RARS1: variants seen among roughly 807,000 people sequenced by gnomAD.
The protein encoded by RARS1 is arginyl-tRNA synthetase 1.
A neutral mutation model predicts 78.7 loss-of-function variants in RARS1; 75 were observed. That is an observed-to-expected ratio of 0.95 (90% CI 0.79 to 1.15). RARS1 has a LOEUF of 1.15. Ranked by LOEUF, RARS1 falls within the 50% of genes most tolerant of loss-of-function variation. The probability of loss-of-function intolerance (pLI) is 0.00; values close to 1 mark genes in which losing one functional copy is unlikely to be tolerated. For synonymous variants in RARS1, 273 were observed against 268.2 expected (o/e 1.02, Z -0.18); for missense variants, 787 against 787.5 (o/e 1.00, Z 0.01).
intron 9 of RARS1, among the ~76,000 whole-genome samples, chr5:168,505,714 G>GAAAAAAAAA (rs60743864): frequency 4.4e-5 from 5 of 114,218 alleles, no homozygotes; most frequent in African/African-American, 9.8e-5. Context: ...TATCAAAAAA[G>GAAAAAAAAA]AAAAAAAAAA....
In RARS1 at chr5:168,506,176, A is replaced by C; in HGVS notation, c.1213A>C (p.Ile405Leu). The C allele has an allele frequency of 6.3e-7, 1 of 1,580,646 alleles. No individual in the cohort carries two copies. Among genetic ancestry groups the C allele is most frequent in the East Asian group, 2.3e-5 (1 of 44,018 alleles). The change falls in exon 10 of 15, where the codon ATC becomes CTC. Residue 405 changes from isoleucine to leucine, a missense_variant. Coordinates refer to ENST00000231572, the MANE Select transcript of RARS1 (RefSeq NM_002887.4). ...RLFEEKADMI[I>L]YVVDNGQSVH... Reference sequence around the variant, plus strand: ...ATTTGAGGAAAAAGCAGATATGATTATCTATGTTGTGGACAATGGACAAGT... The same window carrying C: ...ATTTGAGGAAAAAGCAGATATGATTCTCTATGTTGTGGACAATGGACAAGT...
rs777966160 is a variant in RARS1 at position 168,492,838 on chromosome 5, T to G, written c.360T>G (p.Gly120=). 6.2e-7 allele frequency: 1 copy of G among 1,602,024 alleles called. No homozygotes were observed. Among genetic ancestry groups the G allele is most frequent in the African/African-American group, 1.3e-5 (1 of 74,760 alleles). The change falls in exon 3 of 15, where the codon GGT becomes GGG. Residue 120 remains glycine, a synonymous_variant. Coordinates refer to ENST00000231572, the MANE Select transcript of RARS1 (RefSeq NM_002887.4). ...ACTATCAGTGTAATAGTGCTATGGG[T>G]ATTTCTCAGGTGATGTATTGTCATG... ...FGDYQCNSAM[G]ISQMLKTKEQ...
At chr5:168,516,620 A>G (rs1758671027) in intron 12 of RARS1, among the ~76,000 whole-genome samples, 158 bp from the exon 13 acceptor site, 1 of 152,192 alleles carries the variant, frequency 6.6e-6, no homozygotes, top group Non-Finnish European at 1.5e-5. Flanking sequence ...TTGTTTGTAC[A>G]TTGGCCCATG....
chr5:168,486,641 C>A, intron 1 of RARS1, 98 bp downstream of exon 1: 1 of 1,282,688 alleles, frequency 7.8e-7, no homozygotes, highest in Non-Finnish European at 1.1e-6. Context: ...TAGGCGAGGA[C>A]CATCCTGGTC....
At chr5:168,507,700 C>G (rs903371024) in intron 11 of RARS1, among the ~76,000 whole-genome samples, 1 of 152,156 alleles carries the variant, frequency 6.6e-6, no homozygotes, top group African/African-American at 2.4e-5. Context: ...ACAACATTTT[C>G]TAATTGCGTT....
intron 1 of RARS1, 57 bp from the exon 2 acceptor site, chr5:168,488,545 A>G: frequency 6.5e-7 from 1 of 1,540,038 alleles, no homozygotes; most frequent in Non-Finnish European, 8.8e-7. Flanking sequence ...GCCTTGGTAG[A>G]GAGGGGAAAT....
chr5:168,492,495 C>T (rs1758105583), intron 2 of RARS1, among the ~76,000 whole-genome samples, 164 bp from the exon 3 acceptor site: 1 of 152,194 alleles, frequency 6.6e-6, no homozygotes, highest in South Asian at 2.1e-4. Flanking sequence ...ACTTGTCCTG[C>T]TGCATGTCTT....
intron 12 of RARS1, 78 bp downstream of exon 12, chr5:168,510,764 G>C: frequency 1.0e-6 from 1 of 1,000,816 alleles, no homozygotes; most frequent in Non-Finnish European, 1.5e-6. Flanking sequence ...GAGAACTGAG[G>C]AGAAGTGTGA....
At chr5:168,493,435 T>C (rs1758123921) in intron 3 of RARS1, among the ~76,000 whole-genome samples, 1 of 152,018 alleles carries the variant, frequency 6.6e-6, no homozygotes, top group African/African-American at 2.4e-5. Flanking sequence ...GCTTGAAAAT[T>C]AGAAATGTAA....
At chr5:168,497,923 C>T (rs2445785) in intron 7 of RARS1, 94,850 of 151,354 alleles carry the variant, frequency 0.63, 30,409 homozygotes, top group East Asian at 0.88. Context: ...TGTTTATTGG[C>T]GTATGTTAAA....
intron 11 of RARS1, among the ~76,000 whole-genome samples, chr5:168,508,308 C>T (rs1472711216): frequency 6.6e-6 from 1 of 151,616 alleles, no homozygotes; most frequent in Non-Finnish European, 1.5e-5. Flanking sequence ...TCCTATCCCA[C>T]CCGCCTTTTT....
chr5:168,518,191 C>T, intron 14 of RARS1, 129 bp downstream of exon 14: 1 of 1,136,884 alleles, frequency 8.8e-7, no homozygotes, highest in Non-Finnish European at 1.2e-6. Context: ...TCAAGTGATT[C>T]TCCCACTTGA....
chr5:168,486,591 G>A, intron 1 of RARS1, 48 bp downstream of exon 1: 1 of 1,546,562 alleles, frequency 6.5e-7, no homozygotes, highest in Non-Finnish European at 8.7e-7. Flanking sequence ...GATGGAGCAG[G>A]CTCTGACTCC....
At chr5:168,497,489 C>A (rs549836972) in intron 7 of RARS1, 141 bp downstream of exon 7, 1 of 612,666 alleles carries the variant, frequency 1.6e-6, no homozygotes, top group Non-Finnish European at 2.5e-6. Flanking sequence ...ATACATGTCT[C>A]TGTATAAATG....
chr5:168,517,657 A>T (rs192099049), intron 13 of RARS1, among the ~76,000 whole-genome samples, 158 bp from the exon 14 acceptor site: 1 of 150,698 alleles, frequency 6.6e-6, no homozygotes, highest in Non-Finnish European at 1.5e-5. Context: ...AATGCTTTAG[A>T]TCTGGCTATT....
At chr5:168,495,672 C>A (rs1056776133) in intron 6 of RARS1, among the ~76,000 whole-genome samples, 2 of 151,996 alleles carry the variant, frequency 1.3e-5, no homozygotes, top group Middle Eastern at 6.8e-3. Context: ...GACAAAACTC[C>A]TTCATTCTAC....
At position 168,500,582 on chromosome 5, in the gene RARS1, T is replaced by C. The variant is rs748361590; in HGVS notation, c.823-9T>C. The C allele has an allele frequency of 6.8e-7, 1 of 1,477,964 alleles. No homozygotes were observed. The highest frequency in any genetic ancestry group is 2.3e-4 in the Middle Eastern group (1 of 4,416). 91.6% of individuals were successfully genotyped at this position (1,477,964 alleles called of 1,614,324 possible). On this transcript the variant is annotated splice_polypyrimidine_tract_variant and intron_variant, in intron 7 of 14. Coordinates refer to ENST00000231572, the MANE Select transcript of RARS1 (RefSeq NM_002887.4). ...CACACCTTACTTTTTAAAATATATA[T>C]ATATACAGGAATCTAAGAAGAGGTT...
chr5:168,490,902 C>T (rs1197735239), intron 2 of RARS1, among the ~76,000 whole-genome samples: 4 of 151,956 alleles, frequency 2.6e-5, no homozygotes, highest in South Asian at 2.1e-4. Context: ...TTTGGGAGGC[C>T]GAGGCAGGTG....
Position 168,494,494 on chromosome 5 carries a change from C to T in RARS1, c.479-56C>T, listed in dbSNP as rs138815457. 481 of 1,594,526 alleles carry T rather than the reference C, an allele frequency of 3.0e-4. 1 individual carries two copies. The African/African-American group carries it at 5.1e-3, about 17-fold the overall frequency. On this transcript the variant is annotated intron_variant, in intron 4 of 14. Transcript: ENST00000231572. ...AGTGTCTGGAGCAAATCCTTAGGAG[C>T]GAGTGATTATTCAAGATAAGACAGT...
Sources: allele counts gnomAD v4.1 joint callset (sites outside exome capture counted in the v4.1 genomes callset), GRCh38; gene constraint gnomAD v4.1.1; transcripts MANE v1.5; gene names NCBI Gene and HGNC (gene_info 2026-07-23, HGNC 2026-07-21).